Variants in NAALADL2 observed in about 807,000 individuals in gnomAD.
The protein encoded by NAALADL2 is N-acetylated alpha-linked acidic dipeptidase like 2, also known as inactive N-acetylated-alpha-linked acidic dipeptidase-like protein 2.
A neutral mutation model predicts 87.2 loss-of-function variants in NAALADL2; 76 were observed. The observed-to-expected ratio is 0.87, with a 90% CI of 0.72 to 1.05. The LOEUF (loss-of-function observed/expected upper bound fraction) is 1.05, where lower values mean the gene tolerates loss of function less well. Among genes scored for constraint, NAALADL2 ranks in the 50% least tolerant of loss-of-function variants. The pLI is 0.00. For missense variants in NAALADL2, 1,089 were observed against 945.8 expected (o/e 1.15, Z -1.99); for synonymous variants, 354 against 331.0 (o/e 1.07, Z -0.75).
At position 175,016,571 on chromosome 3, in the gene NAALADL2, A is replaced by C. The variant is rs548023194; in HGVS notation, c.44-80219A>C. ...TCTTTCTGAAATGTGCTTTATTAAAAAAAATTTAATTTGTGTATATACATA... is the reference window on the plus strand; with the variant it reads ...TCTTTCTGAAATGTGCTTTATTAAACAAAATTTAATTTGTGTATATACATA... On this transcript the variant is annotated intron_variant, in intron 1 of 13. Coordinates refer to ENST00000454872, the MANE Select transcript of NAALADL2 (RefSeq NM_207015.3). 2.0e-5 allele frequency among the ~76,000 whole-genome samples: 3 copies of C among 151,802 alleles called. No homozygotes were observed. The East Asian group carries it at 5.8e-4, about 29-fold the overall frequency.
At chr3:174,918,924 C>A (rs1207613532) in intron 1 of NAALADL2, among the ~76,000 whole-genome samples, 1 of 151,054 alleles carries the variant, frequency 6.6e-6, no homozygotes, top group Non-Finnish European at 1.5e-5. Flanking sequence ...AGATCGGGAC[C>A]ACTAGAATAA....
intron 2 of NAALADL2, among the ~76,000 whole-genome samples, chr3:174,622,758 G>T (rs567053622): frequency 3.2e-4 from 49 of 152,172 alleles, no homozygotes; most frequent in African/African-American, 1.2e-3. Context: ...AAGAGGAATC[G>T]GGCCGGGCGC....
At chr3:175,676,652 AC>A (rs1734830492) in intron 11 of NAALADL2, 1 of 151,500 alleles carries the variant, frequency 6.6e-6, no homozygotes, top group Non-Finnish European at 1.5e-5. Context: ...AAAAAAAAAA[AC>A]TTCTCAAATT....
rs150133715 is a variant in NAALADL2 at position 175,447,874 on chromosome 3, C to T, written c.1234+502C>T. Reference sequence around the variant, plus strand: ...CCGTTTGTCAGGCCTTGTTGGACCACGTAGGATGAAACTGAAGTAGTTAAG... The same window carrying T: ...CCGTTTGTCAGGCCTTGTTGGACCATGTAGGATGAAACTGAAGTAGTTAAG... On this transcript the variant is annotated intron_variant, in intron 6 of 13. Transcript: ENST00000454872. Among the ~76,000 whole-genome samples, 8 of 152,248 alleles carry T rather than the reference C, an allele frequency of 5.3e-5. No homozygotes were observed. The East Asian group carries it at 1.4e-3, about 26-fold the overall frequency.
chr3:175,752,240 A>C (rs1018467823), intron 12 of NAALADL2, among the ~76,000 whole-genome samples: 10 of 152,114 alleles, frequency 6.6e-5, no homozygotes, highest in Admixed American at 6.6e-5. Flanking sequence ...GAGACAGGGC[A>C]GATAAGGATC....
intron 11 of NAALADL2, among the ~76,000 whole-genome samples, chr3:175,642,451 A>G (rs192089530): frequency 8.5e-4 from 130 of 152,148 alleles, no homozygotes; most frequent in African/African-American, 2.7e-3. Flanking sequence ...TTTGTTTTAC[A>G]TATCTTCCTT....
Position 175,323,039 on chromosome 3 carries a change from G to A in NAALADL2, c.940-1136G>A, listed in dbSNP as rs1447989268. On this transcript the variant is annotated intron_variant, in intron 4 of 13. Coordinates refer to ENST00000454872, the MANE Select transcript of NAALADL2 (RefSeq NM_207015.3). ...TGCTGCTATAAAGACACATGCACACGTATGTTTATTGCGGCACTATTCACA... is the reference window on the plus strand; with the variant it reads ...TGCTGCTATAAAGACACATGCACACATATGTTTATTGCGGCACTATTCACA... Among the ~76,000 whole-genome samples, 22 of 150,038 alleles carry A rather than the reference G, an allele frequency of 1.5e-4. No homozygotes were observed. In the South Asian group the frequency reaches 1.7e-3, roughly 12 times the overall value.
At chr3:175,520,658 T>A (rs748627942) in intron 9 of NAALADL2, among the ~76,000 whole-genome samples, 1 of 152,182 alleles carries the variant, frequency 6.6e-6, no homozygotes, top group African/African-American at 2.4e-5. Flanking sequence ...AGTGAATGCA[T>A]CTGAAATTGC....
chr3:174,807,396 C>T lies in NAALADL2; in HGVS notation c.-9+69650C>T, dbSNP rs569994227. On this transcript the variant is annotated intron_variant, in intron 3 of 3. Transcript: ENST00000434257. ...GCTCATACGATGCACTTAGCCGTGT[C>T]CAAGTGGAAGTATAAGAATGATAGC... Among the ~76,000 whole-genome samples the T allele has an allele frequency of 1.1e-4, 16 of 152,172 alleles. No homozygotes were observed. The East Asian group carries it at 2.9e-3, about 28-fold the overall frequency.
intron 1 of NAALADL2, among the ~76,000 whole-genome samples, chr3:174,918,720 T>C (rs939369276): frequency 5.3e-5 from 8 of 152,162 alleles, no homozygotes; most frequent in Admixed American, 2.6e-4. Flanking sequence ...ACACTAATGA[T>C]TCTGTTTGTG....
intron 10 of NAALADL2, among the ~76,000 whole-genome samples, chr3:175,599,724 C>A (rs901886793): frequency 6.6e-6 from 1 of 152,084 alleles, no homozygotes; most frequent in Non-Finnish European, 1.5e-5. Context: ...TATAGCTTTA[C>A]TCAGTAACAG....
At position 175,244,039 on chromosome 3, in the gene NAALADL2, A is replaced by G. The variant is rs565343267; in HGVS notation, c.819+9835A>G. 3.9e-4 allele frequency among the ~76,000 whole-genome samples: 60 copies of G among 152,276 alleles called. 1 individual carries two copies. In the South Asian group the frequency reaches 0.012, roughly 32 times the overall value. On this transcript the variant is annotated intron_variant, in intron 3 of 13. Coordinates refer to ENST00000454872, the MANE Select transcript of NAALADL2 (RefSeq NM_207015.3). Reference sequence around the variant, plus strand: ...AGCCCTCTGCCTGGACTTTCAACACAGCAACGATGTCTCTCCATTGCCCTC... The same window carrying G: ...AGCCCTCTGCCTGGACTTTCAACACGGCAACGATGTCTCTCCATTGCCCTC...
intron 3 of NAALADL2, among the ~76,000 whole-genome samples, chr3:174,746,754 GA>G (rs1734298964): frequency 1.3e-5 from 2 of 152,042 alleles, no homozygotes; most frequent in Non-Finnish European, 2.9e-5. Context: ...GAACAAAATA[GA>G]GATCTCAGAA....
At chr3:174,797,274 T>C (rs1189960046) in intron 3 of NAALADL2, among the ~76,000 whole-genome samples, 1 of 150,408 alleles carries the variant, frequency 6.6e-6, no homozygotes, top group East Asian at 2.0e-4. Context: ...ACTTTATTTC[T>C]GGGATCTTTT....
intron 1 of NAALADL2, among the ~76,000 whole-genome samples, chr3:174,530,764 C>T (rs547029239): frequency 6.6e-6 from 1 of 152,128 alleles, no homozygotes; most frequent in Non-Finnish European, 1.5e-5. Flanking sequence ...CGGGTCCCTC[C>T]CACAACACGT....
chr3:175,533,215 A>G (rs1235949408), intron 9 of NAALADL2, among the ~76,000 whole-genome samples: 2 of 152,202 alleles, frequency 1.3e-5, no homozygotes, highest in African/African-American at 4.8e-5. Context: ...CTTAATATAC[A>G]TTCCCATGCC....
chr3:175,299,473 G>A (rs1756773757), intron 4 of NAALADL2, among the ~76,000 whole-genome samples: 1 of 151,910 alleles, frequency 6.6e-6, no homozygotes, highest in African/African-American at 2.4e-5. Flanking sequence ...ATTTCCTAGA[G>A]CAGTGGTTTG....
rs182309343 is a variant in NAALADL2 at position 175,721,024 on chromosome 3, T to C, written c.1897-16282T>C. 4.6e-5 allele frequency among the ~76,000 whole-genome samples: 7 copies of C among 152,180 alleles called. No individual in the cohort carries two copies. In the East Asian group the frequency reaches 1.3e-3, roughly 29 times the overall value. On this transcript the variant is annotated intron_variant, in intron 11 of 13. Transcript: ENST00000454872. ...AGATGTGAATAAGTATAACTAATTTTTGACTATAAAGAAAACCACACTAAT... is the reference window on the plus strand; with the variant it reads ...AGATGTGAATAAGTATAACTAATTTCTGACTATAAAGAAAACCACACTAAT...
At chr3:175,598,922 T>C (rs1273102142) in intron 10 of NAALADL2, among the ~76,000 whole-genome samples, 2 of 152,170 alleles carry the variant, frequency 1.3e-5, no homozygotes, top group Non-Finnish European at 2.9e-5. Flanking sequence ...ACTGACATTG[T>C]TAAGGTTAAT....
Sources: gnomAD v4.1 joint callset for allele counts (sites outside exome capture counted in the v4.1 genomes callset) on GRCh38, gnomAD v4.1.1 for gene constraint, MANE v1.5 for transcripts, NCBI Gene and HGNC (gene_info 2026-07-23, HGNC 2026-07-21) for gene names.